RIGI: variants seen among roughly 807,000 people sequenced by gnomAD.
RIGI encodes RNA sensor RIG-I, also known as antiviral innate immune response receptor RIG-I.
chr9:32,475,677 T>G, the RIGI span, among the ~76,000 whole-genome samples: 1 of 152,096 alleles, frequency 6.6e-6, no homozygotes, highest in Non-Finnish European at 1.5e-5. Flanking sequence ...TAAAATTGAC[T>G]GTAGACCTAA....
the RIGI span, among the ~76,000 whole-genome samples, chr9:32,499,311 G>GTTTT: frequency 4.8e-4 from 39 of 81,104 alleles, 1 homozygote; most frequent in African/African-American, 6.1e-4. Context: ...CAGAGTTTGT[G>GTTTT]ATTTGTTTTT....
chr9:32,515,317 CAAAA>C, the RIGI span, among the ~76,000 whole-genome samples: 1 of 111,262 alleles, frequency 9.0e-6, no homozygotes, highest in African/African-American at 3.6e-5. Flanking sequence ...GACTCTGTCT[CAAAA>C]AAAAAAAAAA....
the RIGI span, chr9:32,477,060 A>G: frequency 6.2e-7 from 1 of 1,614,212 alleles, no homozygotes; most frequent in East Asian, 2.2e-5. Context: ...TGTAAGATGA[A>G]GCAGAGGTCT....
chr9:32,464,678 TTAC>T, the RIGI span, among the ~76,000 whole-genome samples: 1 of 152,124 alleles, frequency 6.6e-6, no homozygotes, highest in Non-Finnish European at 1.5e-5. Flanking sequence ...CGCCCGGCCT[TTAC>T]TAAGCCTTTG....
At chr9:32,524,544 G>A in the RIGI span, among the ~76,000 whole-genome samples, 1 of 148,478 alleles carries the variant, frequency 6.7e-6, no homozygotes, top group Non-Finnish European at 1.5e-5. Flanking sequence ...CTGGCACTTG[G>A]AGACTTTTAG....
chr9:32,472,896 C>T, the RIGI span: 28 of 703,492 alleles, frequency 4.0e-5, no homozygotes, highest in South Asian at 1.3e-4. Flanking sequence ...TATATATATA[C>T]ACACACACAT....
chr9:32,500,388 T>C, the RIGI span, among the ~76,000 whole-genome samples: 1 of 152,228 alleles, frequency 6.6e-6, no homozygotes, highest in South Asian at 2.1e-4. Context: ...AGGACTTCTT[T>C]AATATCTTTT....
At chr9:32,475,305 G>A in the RIGI span, among the ~76,000 whole-genome samples, 1 of 151,936 alleles carries the variant, frequency 6.6e-6, no homozygotes, top group Non-Finnish European at 1.5e-5. Context: ...CATAGATGTG[G>A]ACCAGCTGCC....
At chr9:32,457,922 A>G in the RIGI span, among the ~76,000 whole-genome samples, 1 of 152,226 alleles carries the variant, frequency 6.6e-6, no homozygotes, top group Non-Finnish European at 1.5e-5. Flanking sequence ...CCAACATACT[A>G]GTCCCTCAGG....
chr9:32,513,506 G>A, the RIGI span, among the ~76,000 whole-genome samples: 1 of 152,188 alleles, frequency 6.6e-6, no homozygotes, highest in Admixed American at 6.5e-5. Context: ...AAATGTTGTT[G>A]GGAAAACTGA....
chr9:32,510,321 T>C, the RIGI span, among the ~76,000 whole-genome samples: 1 of 152,236 alleles, frequency 6.6e-6, no homozygotes, highest in East Asian at 1.9e-4. Flanking sequence ...AGGAAAAATG[T>C]TAGGTGCAGC....
At chr9:32,470,706 A>T in the RIGI span, among the ~76,000 whole-genome samples, 3 of 152,236 alleles carry the variant, frequency 2.0e-5, no homozygotes, top group South Asian at 4.1e-4. Flanking sequence ...AAGAAATGGA[A>T]ATGTGGAAAT....
the RIGI span, chr9:32,488,917 T>C: frequency 1.3e-6 from 2 of 1,568,544 alleles, no homozygotes; most frequent in African/African-American, 2.7e-5. Context: ...AAAGAAAACA[T>C]GTAACTCATA....
At chr9:32,522,057 T>C in the RIGI span, among the ~76,000 whole-genome samples, 3 of 152,230 alleles carry the variant, frequency 2.0e-5, no homozygotes, top group Non-Finnish European at 4.4e-5. Context: ...ACAGAAAACT[T>C]CTAGGACTCT....
the RIGI span, among the ~76,000 whole-genome samples, chr9:32,506,688 C>A: frequency 6.6e-6 from 1 of 152,058 alleles, no homozygotes; most frequent in African/African-American, 2.4e-5. Flanking sequence ...AATGCGTGGC[C>A]TCCGTTTTTA....
At chr9:32,514,438 A>G in the RIGI span, among the ~76,000 whole-genome samples, 2 of 152,198 alleles carry the variant, frequency 1.3e-5, no homozygotes, top group African/African-American at 2.4e-5. Context: ...TCATGGATGA[A>G]GCTGGAAACC....
At chr9:32,473,286 C>CTTTTT in the RIGI span, among the ~76,000 whole-genome samples, 9 of 122,570 alleles carry the variant, frequency 7.3e-5, no homozygotes, top group South Asian at 2.6e-4. Flanking sequence ...ATCTCTAAGA[C>CTTTTT]TTTTTTTTTT....
chr9:32,511,133 T>G, the RIGI span, among the ~76,000 whole-genome samples: 1 of 152,086 alleles, frequency 6.6e-6, no homozygotes, highest in African/African-American at 2.4e-5. Flanking sequence ...TCCCACACAA[T>G]AATAGTGGGA....
chr9:32,499,178 G>C, the RIGI span, among the ~76,000 whole-genome samples: 2 of 151,528 alleles, frequency 1.3e-5, no homozygotes, highest in African/African-American at 4.8e-5. Context: ...TCATTGAAAT[G>C]TTTGTCCAAA....
Sources: gnomAD v4.1 joint callset for allele counts (sites outside exome capture counted in the v4.1 genomes callset) on GRCh38, gnomAD v4.1.1 for gene constraint, MANE v1.5 for transcripts, NCBI Gene and HGNC (gene_info 2026-07-23, HGNC 2026-07-21) for gene names.